TRPC6: variants seen among roughly 807,000 people sequenced by gnomAD.
TRPC6 encodes transient receptor potential cation channel subfamily C member 6, also known as short transient receptor potential channel 6.
In TRPC6, 55 loss-of-function variants were observed where a neutral mutation model predicts 90.7. The observed-to-expected ratio is 0.61, with a 90% CI of 0.49 to 0.76. The LOEUF is 0.76. Ranked by LOEUF, TRPC6 falls within the 30% of genes least tolerant of loss-of-function variation. The pLI, the probability that TRPC6 is intolerant of heterozygous loss-of-function variation, is 0.00. For synonymous variants in TRPC6, 393 were observed against 393.0 expected, an observed-to-expected ratio of 1.00 and a Z score of 0.00; for missense variants, 989 against 1,122.7, an observed-to-expected ratio of 0.88 and a Z score of 1.70.
chr11:101,494,399 A>C (rs1485960491), intron 2 of TRPC6, among the ~76,000 whole-genome samples: 1 of 152,172 alleles, frequency 6.6e-6, no homozygotes, highest in African/African-American at 2.4e-5. Context: ...AGGACTTAGC[A>C]AGGTTGTGAG....
chr11:101,500,210 C>CTTTTTT lies in TRPC6; in HGVS notation c.945+3813_945+3814insAAAAAA, dbSNP rs373591780. On this transcript the variant is annotated intron_variant, in intron 2 of 12. Transcript: ENST00000344327. ...ATTTTTCAAAATGTGTATTTTTTTT[C>CTTTTTT]TTTCTTTTTTTTTTTTGAGACGGAG... Among the ~76,000 whole-genome samples the CTTTTTT allele has an allele frequency of 4.4e-5, 6 of 137,706 alleles. 1 individual carries two copies. Among genetic ancestry groups the CTTTTTT allele is most frequent in the African/African-American group, 5.5e-5 (2 of 36,108 alleles). 90.3% of individuals were successfully genotyped at this position (137,706 alleles called of 152,430 possible). A position where few individuals can be genotyped will look rare whatever the true frequency, so the allele number is the denominator to read the frequency against.
chr11:101,537,819 GT>G (rs1861087296), intron 1 of TRPC6, among the ~76,000 whole-genome samples: 1 of 151,662 alleles, frequency 6.6e-6, no homozygotes, highest in South Asian at 2.1e-4. Flanking sequence ...TCACCTACTG[GT>G]TTTGCTTAGA....
chr11:101,491,867 G>A lies in TRPC6; in HGVS notation c.946-129C>T, dbSNP rs192691121. On this transcript the variant is annotated intron_variant, in intron 2 of 12. Coordinates refer to ENST00000344327, the MANE Select transcript of TRPC6 (RefSeq NM_004621.6). ...TTTTTTTTTTTTTTTTTGAGACGGA[G>A]CCTGGCTGTGTTGCCCAGGCTGGAG... is the stretch of plus-strand genomic sequence containing the variant. The A allele has an allele frequency of 5.7e-4, 469 of 821,306 alleles. 2 individuals carry two copies. The African/African-American group carries it at 0.013, about 22-fold the overall frequency. 50.9% of individuals were successfully genotyped at this position (821,306 alleles called of 1,614,324 possible).
chr11:101,458,195 T>C (rs1215727641), intron 10 of TRPC6, among the ~76,000 whole-genome samples: 3 of 152,148 alleles, frequency 2.0e-5, no homozygotes, highest in African/African-American at 7.2e-5. Flanking sequence ...TTTCACACCA[T>C]CATAAAGGTG....
intron 1 of TRPC6, among the ~76,000 whole-genome samples, chr11:101,580,931 T>C (rs1213941053): frequency 6.6e-6 from 1 of 152,220 alleles, no homozygotes; most frequent in Non-Finnish European, 1.5e-5. Flanking sequence ...TTCTCATACA[T>C]CATAGGTGTG....
chr11:101,466,728 T>C (rs1047120730), intron 10 of TRPC6, among the ~76,000 whole-genome samples: 1 of 152,112 alleles, frequency 6.6e-6, no homozygotes, highest in Non-Finnish European at 1.5e-5. Context: ...TCTGTCTCAC[T>C]GGTATTCCAG....
At chr11:101,517,063 G>A (rs949024930) in intron 1 of TRPC6, among the ~76,000 whole-genome samples, 1 of 152,242 alleles carries the variant, frequency 6.6e-6, no homozygotes, top group Non-Finnish European at 1.5e-5. Context: ...TAGCTGGAAA[G>A]CTACCCATTA....
At chr11:101,537,002 C>T (rs1195737128) in intron 1 of TRPC6, among the ~76,000 whole-genome samples, 1 of 152,124 alleles carries the variant, frequency 6.6e-6, no homozygotes, top group Admixed American at 6.5e-5. Context: ...TACAGACTGG[C>T]TGTGAGCAAA....
At chr11:101,520,081 G>A (rs1051090840) in intron 1 of TRPC6, among the ~76,000 whole-genome samples, 1 of 152,014 alleles carries the variant, frequency 6.6e-6, no homozygotes, top group Non-Finnish European at 1.5e-5. Context: ...GTTTGGATTT[G>A]TGTCCCTGCC....
intron 1 of TRPC6, among the ~76,000 whole-genome samples, chr11:101,530,813 A>G (rs1050853730): frequency 1.4e-4 from 22 of 152,210 alleles, no homozygotes; most frequent in African/African-American, 4.8e-4. Flanking sequence ...AAACCAATGC[A>G]TCCACAAAAT....
At chr11:101,573,317 A>G (rs188674270) in intron 1 of TRPC6, among the ~76,000 whole-genome samples, 3 of 150,782 alleles carry the variant, frequency 2.0e-5, no homozygotes, top group Admixed American at 2.0e-4. Flanking sequence ...AGAACAGTAA[A>G]GGTAAAAGCA....
intron 10 of TRPC6, among the ~76,000 whole-genome samples, chr11:101,468,242 A>T (rs1011914455): frequency 6.6e-6 from 1 of 152,196 alleles, no homozygotes; most frequent in Non-Finnish European, 1.5e-5. Flanking sequence ...CTTCCCAATC[A>T]AAATTCCTAA....
chr11:101,577,079 T>A (rs533352589), intron 1 of TRPC6, among the ~76,000 whole-genome samples: 1 of 152,078 alleles, frequency 6.6e-6, no homozygotes, highest in African/African-American at 2.4e-5. Flanking sequence ...TTACTCCTAA[T>A]AGAAGGGGAG....
rs534047506 is a variant in TRPC6 at position 101,570,967 on chromosome 11, G to C, written c.170+12367C>G. 5.1e-3 allele frequency among the ~76,000 whole-genome samples: 653 copies of C among 127,942 alleles called. 1 individual carries two copies. The highest frequency in any genetic ancestry group is 0.017 in the African/African-American group (620 of 37,126). The allele number at this position is 127,942 out of a possible 152,430, so 83.9% of individuals were successfully genotyped here. ...CCCTTTGAAAGCTGGCACAAGACAA[G>C]GATGCCCTCTCTCACCACTCCTATT... On this transcript the variant is annotated intron_variant, in intron 1 of 12. Transcript: ENST00000344327.
At chr11:101,480,803 G>A (rs938111673) in intron 5 of TRPC6, among the ~76,000 whole-genome samples, 3 of 151,958 alleles carry the variant, frequency 2.0e-5, no homozygotes, top group African/African-American at 7.3e-5. Context: ...ATGAGACATG[G>A]GCTTTTAGTT....
At chr11:101,514,788 G>T (rs751894151) in intron 1 of TRPC6, among the ~76,000 whole-genome samples, 2 of 152,212 alleles carry the variant, frequency 1.3e-5, no homozygotes, top group Non-Finnish European at 2.9e-5. Context: ...GTTCTGAAGG[G>T]TTTGGAGCTT....
intron 10 of TRPC6, among the ~76,000 whole-genome samples, chr11:101,464,706 C>T (rs1859101060): frequency 6.6e-6 from 1 of 152,004 alleles, no homozygotes; most frequent in Non-Finnish European, 1.5e-5. Context: ...AGATGGGTCT[C>T]CTGAATACAG....
intron 2 of TRPC6, among the ~76,000 whole-genome samples, chr11:101,498,009 T>C (rs1859994431): frequency 2.0e-5 from 3 of 152,156 alleles, no homozygotes; most frequent in Admixed American, 6.6e-5. Flanking sequence ...CCTGGGCACA[T>C]ATTGAGAACT....
intron 1 of TRPC6, among the ~76,000 whole-genome samples, chr11:101,575,652 T>C (rs1163199635): frequency 6.6e-6 from 1 of 152,044 alleles, no homozygotes; most frequent in African/African-American, 2.4e-5. Context: ...TCATATAAAA[T>C]CAACAGAGAT....
Sources: allele counts gnomAD v4.1 joint callset (sites outside exome capture counted in the v4.1 genomes callset), GRCh38; gene constraint gnomAD v4.1.1; transcripts MANE v1.5; gene names NCBI Gene and HGNC (gene_info 2026-07-23, HGNC 2026-07-21).